The following AKAP9 variants were observed in gnomAD, a reference collection of about 807,000 sequenced individuals.
AKAP9 encodes A-kinase anchoring protein 9.
In AKAP9, 311 loss-of-function variants were observed where a neutral mutation model predicts 488.5. That is an observed-to-expected ratio of 0.64 (90% CI 0.58 to 0.70). The LOEUF is 0.70. Among genes scored for constraint, AKAP9 ranks in the 30% least tolerant of loss-of-function variants. AKAP9 has a pLI of 0.00. For missense variants in AKAP9, 4,215 were observed against 4,374.5 expected, an observed-to-expected ratio of 0.96 and a Z score of 1.03; for synonymous variants, 1,462 against 1,483.5, an observed-to-expected ratio of 0.99 and a Z score of 0.33.
intron 8 of AKAP9, among the ~76,000 whole-genome samples, chr7:92,008,971 C>T (rs1220368469): frequency 2.9e-5 from 4 of 138,794 alleles, no homozygotes; most frequent in East Asian, 4.0e-4. Flanking sequence ...GGCAACAGAG[C>T]GAGACTCCAT....
In AKAP9 at chr7:92,040,649, T is replaced by TG. The variant is rs762770262; in HGVS notation, c.4693-25_4693-24insG. On this transcript the variant is annotated intron_variant, in intron 17 of 49. Transcript: ENST00000356239. ...CAAAATGTGTTATGGTTGAATTGTT[T>TG]TTTTTTTTTTTTTTACTATTAAAGA... The TG allele has an allele frequency of 1.7e-5, 21 of 1,254,018 alleles. No individual in the cohort carries two copies. The African/African-American group carries it at 2.9e-4, about 17-fold the overall frequency. 77.7% of individuals were successfully genotyped at this position (1,254,018 alleles called of 1,614,324 possible).
At chr7:91,952,177 A>G (rs1792339690) in intron 1 of AKAP9, among the ~76,000 whole-genome samples, 1 of 152,216 alleles carries the variant, frequency 6.6e-6, no homozygotes, top group Non-Finnish European at 1.5e-5. Context: ...AGAGATAGTC[A>G]CAAGCTTGCC....
At chr7:92,099,535 C>T (rs1817177385) in intron 43 of AKAP9, 152 bp from the exon 44 acceptor site, 1 of 807,260 alleles carries the variant, frequency 1.2e-6, no homozygotes, top group African/African-American at 1.7e-5. Context: ...CCTTCCTTAT[C>T]TTTTCTGCCT....
At position 92,042,017 on chromosome 7, in the gene AKAP9, A is replaced by G. The variant is rs776126257; in HGVS notation, c.4918-29A>G. 17 of 1,610,784 alleles carry G rather than the reference A, an allele frequency of 1.1e-5. No individual in the cohort carries two copies. In the South Asian group the frequency reaches 1.9e-4, roughly 18 times the overall value. ...ACCCTTTTTCTCTATCACAAACAGT[A>G]TTCTTTCATGACCTTTTTTCTTATT... is the stretch of plus-strand genomic sequence containing the variant. On this transcript the variant is annotated intron_variant, in intron 18 of 49. Transcript: ENST00000356239.
intron 38 of AKAP9, among the ~76,000 whole-genome samples, chr7:92,091,634 T>G (rs1584515619): frequency 7.1e-6 from 1 of 141,112 alleles, no homozygotes; most frequent in African/African-American, 2.7e-5. Flanking sequence ...TTCTTACCAC[T>G]GAGTTTAAGA....
intron 1 of AKAP9, among the ~76,000 whole-genome samples, chr7:91,972,378 G>A (rs899543751): frequency 2.0e-5 from 3 of 152,142 alleles, no homozygotes; most frequent in African/African-American, 7.2e-5. Context: ...CTCCTGTCAA[G>A]GAGCCCAAGT....
chr7:92,081,497 A>ATATTTTTT (rs1370452281), intron 31 of AKAP9, among the ~76,000 whole-genome samples: 2 of 85,376 alleles, frequency 2.3e-5, no homozygotes, highest in Non-Finnish European at 2.4e-5. Context: ...ATATATATAT[A>ATATTTTTT]TTTTTTTTTT....
At chr7:92,024,882 C>G (rs1424459115) in intron 14 of AKAP9, among the ~76,000 whole-genome samples, 3 of 152,146 alleles carry the variant, frequency 2.0e-5, no homozygotes, top group African/African-American at 4.8e-5. Flanking sequence ...TACATATGGG[C>G]TTTGGAATTA....
In AKAP9 at chr7:92,012,963, T is replaced by A. The variant is rs1262007499; in HGVS notation, c.3532+321T>A. Reference sequence around the variant, plus strand: ...AGTAGGGTGAGGTGGTAGACAGTGGTGGGGTTGGAATTTTTTTTTTTTTTT... The same window carrying A: ...AGTAGGGTGAGGTGGTAGACAGTGGAGGGGTTGGAATTTTTTTTTTTTTTT... On this transcript the variant is annotated intron_variant, in intron 9 of 49. Transcript: ENST00000356239. Among the ~76,000 whole-genome samples the A allele has an allele frequency of 1.8e-4, 23 of 125,668 alleles. No homozygotes were observed. The South Asian group carries it at 6.3e-3, about 35-fold the overall frequency. 82.4% of individuals were successfully genotyped at this position (125,668 alleles called of 152,430 possible). A position where few individuals can be genotyped will look rare whatever the true frequency, so the allele number is the denominator to read the frequency against.
At chr7:91,972,498 T>C (rs1011718845) in intron 1 of AKAP9, among the ~76,000 whole-genome samples, 4 of 152,202 alleles carry the variant, frequency 2.6e-5, no homozygotes, top group African/African-American at 9.6e-5. Context: ...AGAATGGGAA[T>C]CATGAAAATC....
intron 8 of AKAP9, among the ~76,000 whole-genome samples, chr7:92,007,688 T>C (rs188221037): frequency 1.4e-4 from 21 of 152,202 alleles, no homozygotes; most frequent in Admixed American, 7.2e-4. Flanking sequence ...CAATGAAAAG[T>C]TACTGAAGTT....
At chr7:92,076,140 A>C (rs1353813438) in intron 28 of AKAP9, among the ~76,000 whole-genome samples, 1 of 152,212 alleles carries the variant, frequency 6.6e-6, no homozygotes, top group Non-Finnish European at 1.5e-5. Context: ...ACCAATTTTC[A>C]AATATAAAAA....
intron 12 of AKAP9, 89 bp from the exon 13 acceptor site, chr7:92,022,149 C>A: frequency 9.7e-7 from 1 of 1,030,470 alleles, no homozygotes; most frequent in Non-Finnish European, 1.5e-6. Context: ...TTTAAAAAAG[C>A]ATCTTAAATG....
chr7:92,089,801 G>A (rs1815236105), intron 38 of AKAP9: 1 of 242,362 alleles, frequency 4.1e-6, no homozygotes, highest in Non-Finnish European at 8.1e-6. Flanking sequence ...TTTTAGAGCT[G>A]TATGTTAAGA....
chr7:92,029,171 C>A (rs1563011288), intron 14 of AKAP9, among the ~76,000 whole-genome samples: 1 of 150,148 alleles, frequency 6.7e-6, no homozygotes, highest in Non-Finnish European at 1.5e-5. Flanking sequence ...GTTTTTATGA[C>A]CTAAGTTAAG....
rs1359715379 is a variant in AKAP9, at chr7:92,001,572, C to A, written c.1655C>A (p.Ala552Asp). 1.2e-6 allele frequency: 2 copies of A among 1,613,696 alleles called. No homozygotes were observed. The highest frequency in any genetic ancestry group is 1.7e-6 in the Non-Finnish European group (2 of 1,179,810). ...ATTCAGAGAGCTAGACAGACAATAGCTGAACAAGAAAGTAAACTTAATGAA... is the reference window on the plus strand; with the variant it reads ...ATTCAGAGAGCTAGACAGACAATAGATGAACAAGAAAGTAAACTTAATGAA... ...EQIQRARQTI[A>D]EQESKLNEAH... The change falls in exon 8 of 50, where the codon GCT (alanine) becomes GAT (aspartate). Residue 552 changes from alanine to aspartate, a missense_variant. By Grantham distance (126) the Ala-to-Asp change is moderately radical (BLOSUM62 -2). Transcript: ENST00000356239.
intron 24 of AKAP9, chr7:92,063,545 T>A (rs1483810035): frequency 1.0e-6 from 1 of 974,216 alleles, no homozygotes; most frequent in African/African-American, 1.8e-5. Context: ...TGGTAGACTT[T>A]AAACTCCAAA....
At chr7:92,040,285 T>C (rs1441943224) in intron 17 of AKAP9, among the ~76,000 whole-genome samples, 1 of 152,172 alleles carries the variant, frequency 6.6e-6, no homozygotes, top group Non-Finnish European at 1.5e-5. Flanking sequence ...ATACATTTAA[T>C]TTTAAAATAT....
At position 92,097,716 on chromosome 7, in the gene AKAP9, A is replaced by G. The variant is rs1236620487; in HGVS notation, c.10529A>G (p.His3510Arg). ...AATGGAGGAGGAACCGGCTGTAATC[A>G]TGAATTAGAAATGATCAGACAAAAG... is the stretch of plus-strand genomic sequence containing the variant. ...EMNGGGTGCN[H>R]ELEMIRQKLQ... The change falls in exon 42 of 50, where the codon CAT (histidine) becomes CGT (arginine). Residue 3510 changes from histidine to arginine, a missense_variant. Around this residue, in one of 5 missense-constraint regions of AKAP9, gnomAD observed 1,476 missense variants for 1,477.4 expected, o/e 1.00. Coordinates refer to ENST00000356239, the MANE Select transcript of AKAP9 (RefSeq NM_005751.5). 4 of 1,614,230 alleles carry G rather than the reference A, an allele frequency of 2.5e-6. No homozygotes were observed. The Admixed American group carries it at 6.7e-5, about 27-fold the overall frequency.
Sources: allele counts gnomAD v4.1 joint callset (sites outside exome capture counted in the v4.1 genomes callset), GRCh38; gene constraint gnomAD v4.1.1; regional missense constraint gnomAD v4.1.1; transcripts MANE v1.5; gene names NCBI Gene and HGNC (gene_info 2026-07-23, HGNC 2026-07-21).